TTC27: variants seen among roughly 807,000 people sequenced by gnomAD.
TTC27 encodes the protein tetratricopeptide repeat domain 27.
Under a neutral mutation model 115.9 loss-of-function variants are expected in TTC27, and 79 were observed. That is an observed-to-expected ratio of 0.68 (90% CI 0.57 to 0.82). The LOEUF (loss-of-function observed/expected upper bound fraction) is 0.82. TTC27 is among the 40% of genes least tolerant of loss of function. The probability of loss-of-function intolerance (pLI) is 0.00; values close to 1 mark genes in which losing one functional copy is unlikely to be tolerated. For synonymous variants in TTC27, 401 were observed against 356.0 expected (o/e 1.13, Z -1.42); for missense variants, 1,054 against 993.1 (o/e 1.06, Z -0.82).
chr2:32,684,250 G>T (rs1572512973), intron 9 of TTC27, among the ~76,000 whole-genome samples: 1 of 152,076 alleles, frequency 6.6e-6, no homozygotes, highest in Admixed American at 6.5e-5. Context: ...CAAAGGACAT[G>T]AACTCATCAT....
chr2:32,683,749 T>C (rs1415544683), intron 9 of TTC27, among the ~76,000 whole-genome samples: 1 of 152,236 alleles, frequency 6.6e-6, no homozygotes, highest in Non-Finnish European at 1.5e-5. Context: ...TCTACATTAT[T>C]TCCCTTCAGA....
intron 10 of TTC27, among the ~76,000 whole-genome samples, chr2:32,730,623 T>TA (rs1553312720): frequency 4.9e-5 from 2 of 40,502 alleles, no homozygotes; most frequent in African/African-American, 1.6e-4. Flanking sequence ...ACTTTCTTAT[T>TA]TTTTTTTTTT....
At chr2:32,783,676 T>C (rs959630850) in intron 15 of TTC27, among the ~76,000 whole-genome samples, 3 of 152,180 alleles carry the variant, frequency 2.0e-5, no homozygotes, top group Admixed American at 2.0e-4. Context: ...GACACAGCTG[T>C]TGTAACAATT....
intron 8 of TTC27, among the ~76,000 whole-genome samples, chr2:32,674,779 C>G (rs1177574164): frequency 6.6e-6 from 1 of 151,944 alleles, no homozygotes; most frequent in East Asian, 1.9e-4. Context: ...TCTGCGTCAG[C>G]CTCCTGAGTA....
In TTC27 at chr2:32,820,932, G is replaced by C; in HGVS notation, c.2526G>C (p.Gln842His). The C allele has an allele frequency of 1.3e-6, 2 of 1,506,718 alleles. No individual in the cohort carries two copies. Among genetic ancestry groups the C allele is most frequent in the Non-Finnish European group, 1.8e-6 (2 of 1,120,464 alleles). The allele number at this position is 1,506,718 out of a possible 1,614,324, so 93.3% of individuals were successfully genotyped here. Reference sequence around the variant, plus strand: ...ACCTAAGCAACCAGTTTCGAAATCAGTATTGATTCTGCTGGAAGCAGATTC... The same window carrying C: ...ACCTAAGCAACCAGTTTCGAAATCACTATTGATTCTGCTGGAAGCAGATTC... ...LQDLSNQFRN[Q>H]Y Residue 842 changes from glutamine (Q) to histidine (H), a missense_variant, in exon 20 of 20, where the codon CAG (glutamine) becomes CAC (histidine). Coordinates refer to ENST00000317907, the MANE Select transcript of TTC27 (RefSeq NM_017735.5).
At chr2:32,730,311 T>C (rs1440672745) in intron 10 of TTC27, among the ~76,000 whole-genome samples, 1 of 152,188 alleles carries the variant, frequency 6.6e-6, no homozygotes, top group Admixed American at 6.5e-5. Context: ...AATCATCTCA[T>C]AGAAAAATGC....
intron 5 of TTC27, among the ~76,000 whole-genome samples, chr2:32,657,761 C>T (rs926934078): frequency 6.6e-6 from 1 of 152,130 alleles, no homozygotes; most frequent in African/African-American, 2.4e-5. Context: ...CCTGGCATTG[C>T]CACTTAATGA....
chr2:32,771,526 C>T (rs565321017), intron 13 of TTC27, among the ~76,000 whole-genome samples: 2 of 152,162 alleles, frequency 1.3e-5, no homozygotes, highest in African/African-American at 4.8e-5. Flanking sequence ...TAATTAATAA[C>T]CTCTAGTAAA....
rs377057367 is a variant in TTC27, at chr2:32,782,660, A to G, written c.1814A>G (p.Tyr605Cys). 3.5e-5 allele frequency: 56 copies of G among 1,611,878 alleles called. No individual in the cohort carries two copies. The highest frequency in any genetic ancestry group is 9.9e-5 in the South Asian group (9 of 90,844). Reference protein sequence around the residue: ...AEAWNNLSTSYIRLKQKVKAF... With the variant: ...AEAWNNLSTSCIRLKQKVKAF... ...GCTTGGAACAATTTGTCAACTTCCT[A>G]TATCCGATTAAAACAAAAGTAAGTA... The change falls in exon 15 of 20, where the codon TAT becomes TGT. Residue 605 changes from tyrosine (Y) to cysteine (C), a missense_variant. Tyr to Cys is a radical substitution (Grantham distance 194). Transcript: ENST00000317907.
chr2:32,770,141 C>T (rs1156502984), intron 13 of TTC27, among the ~76,000 whole-genome samples: 2 of 152,166 alleles, frequency 1.3e-5, no homozygotes, highest in Non-Finnish European at 2.9e-5. Flanking sequence ...TTCTTGGTAA[C>T]TATCAGTTTT....
rs138335351 is a variant in TTC27, at chr2:32,758,333, G to T, written c.1494G>T (p.Thr498=). 1.4e-4 allele frequency: 228 copies of T among 1,614,120 alleles called. No individual in the cohort carries two copies. In the African/African-American group the frequency reaches 1.5e-3, roughly 11 times the overall value. ...ILRQELEKKE[T]PSLYCLLGDV... is the part of the protein sequence containing the mutation. ...GACAAGAGCTGGAGAAAAAAGAAAC[G>T]CCTAGTTTATACTGCTTGCTTGGAG... Residue 498 remains threonine (T), a synonymous_variant, in exon 13 of 20, where the codon ACG becomes ACT. Coordinates refer to ENST00000317907, the MANE Select transcript of TTC27 (RefSeq NM_017735.5).
chr2:32,804,877 T>G (rs1671077646), intron 16 of TTC27, among the ~76,000 whole-genome samples: 1 of 152,144 alleles, frequency 6.6e-6, no homozygotes, highest in Non-Finnish European at 1.5e-5. Context: ...AATTTTGTAT[T>G]AGCTCTGACA....
At chr2:32,798,597 C>A in intron 16 of TTC27, among the ~76,000 whole-genome samples, 1 of 138,668 alleles carries the variant, frequency 7.2e-6, no homozygotes, top group Non-Finnish European at 1.5e-5. Flanking sequence ...CCTAGCTACT[C>A]GGGAGGCTGA....
chr2:32,814,332 C>CA (rs779885406), intron 18 of TTC27, among the ~76,000 whole-genome samples: 131 of 152,290 alleles, frequency 8.6e-4, no homozygotes, highest in Non-Finnish European at 1.6e-3. Flanking sequence ...AACAAGTGTC[C>CA]ATTCTTTTAA....
chr2:32,771,252 T>G (rs904870915), intron 13 of TTC27, among the ~76,000 whole-genome samples: 1 of 152,264 alleles, frequency 6.6e-6, no homozygotes, highest in Non-Finnish European at 1.5e-5. Context: ...GTCTAACATA[T>G]TTCCTGGCCC....
intron 17 of TTC27, among the ~76,000 whole-genome samples, chr2:32,812,177 CT>C (rs1268695603): frequency 2.6e-5 from 4 of 152,130 alleles, no homozygotes; most frequent in African/African-American, 9.6e-5. Flanking sequence ...AAGTTCATGC[CT>C]CATTCTCTAA....
intron 10 of TTC27, among the ~76,000 whole-genome samples, chr2:32,713,148 C>G (rs1667639551): frequency 6.6e-6 from 1 of 152,020 alleles, no homozygotes; most frequent in African/African-American, 2.4e-5. Flanking sequence ...AGATGCTGGC[C>G]CTTCCATCTT....
At chr2:32,677,640 G>A (rs1461245805) in intron 8 of TTC27, among the ~76,000 whole-genome samples, 3 of 151,918 alleles carry the variant, frequency 2.0e-5, no homozygotes, top group African/African-American at 7.3e-5. Flanking sequence ...TAGTAGAGAT[G>A]TGGTTTTACC....
chr2:32,766,414 T>C (rs562401673), intron 13 of TTC27: 5 of 312,470 alleles, frequency 1.6e-5, no homozygotes, highest in African/African-American at 8.6e-5. Flanking sequence ...ACTTGAACGC[T>C]GAGAGGCACT....
Sources: gnomAD v4.1 joint callset for allele counts (sites outside exome capture counted in the v4.1 genomes callset) on GRCh38, gnomAD v4.1.1 for gene constraint, MANE v1.5 for transcripts, NCBI Gene and HGNC (gene_info 2026-07-23, HGNC 2026-07-21) for gene names.